Variants in PKHD1L1 observed in about 807,000 individuals in gnomAD.
PKHD1L1 encodes the protein PKHD1 like 1.
Under a neutral mutation model 462.9 loss-of-function variants are expected in PKHD1L1, and 434 were observed. The ratio of observed to expected loss-of-function variants is 0.94; its 90% CI spans 0.87 to 1.02. The LOEUF (loss-of-function observed/expected upper bound fraction) is 1.02, where lower values mean the gene tolerates loss of function less well. Among genes scored for constraint, PKHD1L1 ranks in the 50% least tolerant of loss-of-function variants. The pLI, the probability that PKHD1L1 is intolerant of heterozygous loss-of-function variation, is 0.00. For missense variants in PKHD1L1, 5,202 were observed against 5,096.1 expected (o/e 1.02, Z -0.63); for synonymous variants, 1,781 against 1,750.0 (o/e 1.02, Z -0.44).
chr8:109,446,569 G>A (rs879887065), intron 38 of PKHD1L1, among the ~76,000 whole-genome samples: 4 of 152,160 alleles, frequency 2.6e-5, no homozygotes, highest in Non-Finnish European at 4.4e-5. Context: ...AGTATTTTCT[G>A]CCTTCAACGA....
chr8:109,487,760 T>C (rs1818606976), intron 59 of PKHD1L1, among the ~76,000 whole-genome samples: 1 of 151,752 alleles, frequency 6.6e-6, no homozygotes, highest in Non-Finnish European at 1.5e-5. Context: ...AGGCCTGTAA[T>C]CCCAGCACTT....
chr8:109,408,033 T>C lies in PKHD1L1; in HGVS notation c.1814-16T>C, dbSNP rs761115930. 1.3e-6 allele frequency: 2 copies of C among 1,562,440 alleles called. No individual in the cohort carries two copies. The highest frequency in any genetic ancestry group is 1.8e-5 in the Admixed American group (1 of 56,866). ...TTAGTTAATGTCTACAAATTCTGTT[T>C]GTCACTTAATTTCAGGAGACTTTGA... On this transcript the variant is annotated splice_polypyrimidine_tract_variant and intron_variant, in intron 17 of 77. Transcript: ENST00000378402.
intron 29 of PKHD1L1, 21 bp downstream of exon 29, chr8:109,435,375 CAG>C: frequency 6.3e-7 from 1 of 1,596,698 alleles, no homozygotes. Context: ...ATAGTTTAAA[CAG>C]AGAGAAAATT....
rs13439864 is a variant in PKHD1L1, at chr8:109,534,479, A to G, written c.*4389A>G. On this transcript the variant is annotated 3_prime_UTR_variant, in exon 78 of 78. Coordinates refer to ENST00000378402, the MANE Select transcript of PKHD1L1 (RefSeq NM_177531.6). ...CACATCTCAAAAAAAAAAACCCAAA[A>G]AACTTTAATCTGAATCCATTATGTG... 0.76 allele frequency among the ~76,000 whole-genome samples: 115,801 copies of G among 151,814 alleles called. 44,857 individuals carry two copies. Among genetic ancestry groups the G allele is most frequent in the Middle Eastern group, 0.93 (273 of 294 alleles).
rs748372422 is a variant in PKHD1L1 at position 109,396,150 on chromosome 8, G to A, written c.922+13G>A. On this transcript the variant is annotated intron_variant, in intron 11 of 77. Transcript: ENST00000378402. The stretch of plus-strand genomic sequence containing the variant: ...GTTCTAGTTGGAGGTATTTCTCATG[G>A]TTTTTGATATATTACTTTATTACCA... The A allele has an allele frequency of 1.3e-6, 2 of 1,565,834 alleles. No individual in the cohort carries two copies. The highest frequency in any genetic ancestry group is 2.3e-5 in the South Asian group (2 of 86,314).
chr8:109,453,044 A>G (rs546292484), intron 43 of PKHD1L1, among the ~76,000 whole-genome samples, 170 bp downstream of exon 43: 18 of 152,288 alleles, frequency 1.2e-4, no homozygotes, highest in African/African-American at 3.8e-4. Flanking sequence ...TGATTATGAT[A>G]TTATTTAATG....
intron 40 of PKHD1L1, 57 bp from the exon 41 acceptor site, chr8:109,450,918 G>A (rs1816451897): frequency 2.0e-6 from 3 of 1,491,300 alleles, no homozygotes; most frequent in African/African-American, 1.4e-5. Context: ...TGGAGGTTTT[G>A]GAAATGAATC....
intron 73 of PKHD1L1, among the ~76,000 whole-genome samples, chr8:109,519,506 G>A (rs1295198364): frequency 6.6e-6 from 1 of 151,898 alleles, no homozygotes; most frequent in Non-Finnish European, 1.5e-5. Flanking sequence ...AACTTTCCTG[G>A]TCTTCTGGGA....
intron 35 of PKHD1L1, 147 bp from the exon 36 acceptor site, chr8:109,442,799 A>G (rs1007003511): frequency 2.9e-6 from 2 of 699,548 alleles, no homozygotes; most frequent in African/African-American, 1.8e-5. Context: ...TTTTCTTACT[A>G]CATTCTGTTG....
At chr8:109,503,044 G>A (rs1312974253) in intron 67 of PKHD1L1, among the ~76,000 whole-genome samples, 3 of 152,212 alleles carry the variant, frequency 2.0e-5, no homozygotes, top group Admixed American at 1.3e-4. Flanking sequence ...AGTGGCTCAC[G>A]CCTGTAGTTC....
chr8:109,450,471 T>C (rs1223387976), intron 40 of PKHD1L1, among the ~76,000 whole-genome samples: 1 of 152,152 alleles, frequency 6.6e-6, no homozygotes, highest in African/African-American at 2.4e-5. Context: ...TGAATCCTGA[T>C]TAAAAAATAT....
At chr8:109,426,937 A>C (rs13264587) in intron 24 of PKHD1L1, 65 bp from the exon 25 acceptor site, 1 of 921,140 alleles carries the variant, frequency 1.1e-6, no homozygotes. Context: ...ACAGGCGTGA[A>C]CCACCACATC....
intron 5 of PKHD1L1, among the ~76,000 whole-genome samples, chr8:109,384,432 A>C (rs1380986848): frequency 6.6e-6 from 1 of 151,844 alleles, no homozygotes; most frequent in Non-Finnish European, 1.5e-5. Context: ...AGTCCCAGCT[A>C]CTCCGGAGGC....
intron 46 of PKHD1L1, among the ~76,000 whole-genome samples, chr8:109,458,068 T>A (rs2607639): frequency 6.6e-6 from 1 of 151,830 alleles, no homozygotes; most frequent in Non-Finnish European, 1.5e-5. Flanking sequence ...GCATCTTTCT[T>A]TTTTTAATCC....
At chr8:109,424,013 T>G (rs1814612365) in intron 23 of PKHD1L1, among the ~76,000 whole-genome samples, 1 of 152,148 alleles carries the variant, frequency 6.6e-6, no homozygotes, top group Non-Finnish European at 1.5e-5. Context: ...TATAACCTAC[T>G]GAATTCAACA....
chr8:109,448,580 T>G (rs1340512142), intron 39 of PKHD1L1, among the ~76,000 whole-genome samples, 189 bp downstream of exon 39: 3 of 151,640 alleles, frequency 2.0e-5, no homozygotes, highest in Non-Finnish European at 4.4e-5. Flanking sequence ...GGCGCGATCT[T>G]GGCTCATTGC....
At chr8:109,413,657 G>T in intron 21 of PKHD1L1, 112 bp downstream of exon 21, 1 of 850,186 alleles carries the variant, frequency 1.2e-6, no homozygotes, top group African/African-American at 1.8e-5. Context: ...GGGGAGATGA[G>T]GGCAAATAAT....
intron 2 of PKHD1L1, among the ~76,000 whole-genome samples, chr8:109,374,858 G>T (rs1414752388): frequency 1.3e-5 from 2 of 152,206 alleles, no homozygotes; most frequent in African/African-American, 4.8e-5. Context: ...TAGAGTTTCT[G>T]CCGAGAGATC....
chr8:109,382,648 T>A, intron 4 of PKHD1L1, 77 bp downstream of exon 4: 1 of 1,085,876 alleles, frequency 9.2e-7, no homozygotes, highest in Non-Finnish European at 1.3e-6. Context: ...TTTTCCTTTT[T>A]AGTTTTATAG....
Sources: allele counts gnomAD v4.1 joint callset (sites outside exome capture counted in the v4.1 genomes callset), GRCh38; gene constraint gnomAD v4.1.1; transcripts MANE v1.5; gene names NCBI Gene and HGNC (gene_info 2026-07-23, HGNC 2026-07-21).